The following PRPF39 variants were observed in gnomAD, a reference collection of about 807,000 sequenced individuals.
PRPF39 encodes the protein pre-mRNA processing factor 39.
PRPF39 carries 27 observed loss-of-function variants against 82.1 expected under a neutral mutation model. That is an observed-to-expected ratio of 0.33 (90% confidence interval 0.24 to 0.45). PRPF39 has a LOEUF of 0.45. PRPF39 is among the 20% of genes least tolerant of loss of function. The pLI is 1.00. For missense variants in PRPF39, 581 were observed against 796.9 expected (o/e 0.73, Z 3.26); for synonymous variants, 261 against 256.4 (o/e 1.02, Z -0.17).
chr14:45,108,025 C>A (rs544901959), intron 6 of PRPF39, among the ~76,000 whole-genome samples: 2 of 152,192 alleles, frequency 1.3e-5, no homozygotes, highest in South Asian at 2.1e-4. Flanking sequence ...TGGCCATTTA[C>A]CCAGTGACTT....
At chr14:45,093,407 A>G (rs897907695) in intron 1 of PRPF39, among the ~76,000 whole-genome samples, 1 of 151,674 alleles carries the variant, frequency 6.6e-6, no homozygotes, top group African/African-American at 2.4e-5. Flanking sequence ...TATTTTTAGT[A>G]GAGATGGGGT....
chr14:45,095,445 C>T lies in PRPF39; in HGVS notation c.206C>T (p.Thr69Met), dbSNP rs369962834. The change falls in exon 2 of 14, where the codon ACG (threonine) becomes ATG (methionine). Residue 69 changes from threonine (T) to methionine (M), a missense_variant. Transcript: ENST00000355765. ...EMASAVDLPVTLTETEANFPP... is the reference protein window; with the variant it reads ...EMASAVDLPVMLTETEANFPP... ...GCAAGTGCTGTGGACCTTCCAGTGA[C>T]GCTGACAGAAACAGAAGCAAATTTC... 14 of 1,613,910 alleles carry T rather than the reference C, an allele frequency of 8.7e-6. No individual in the cohort carries two copies. The highest frequency in any genetic ancestry group is 8.0e-5 in the African/African-American group (6 of 75,016).
chr14:45,107,315 AAAG>A (rs1199478674), intron 5 of PRPF39, 133 bp from the exon 6 acceptor site: 3 of 651,362 alleles, frequency 4.6e-6, no homozygotes, highest in East Asian at 5.8e-5. Context: ...TTACTATAGA[AAAG>A]AAGGAGAAAA....
At chr14:45,114,673 GTTTC>G (rs927673248) in intron 13 of PRPF39, 59 bp downstream of exon 13, 1 of 1,549,372 alleles carries the variant, frequency 6.5e-7, no homozygotes, top group Non-Finnish European at 8.7e-7. Flanking sequence ...AATTAGGATA[GTTTC>G]TTTTTTTTTA....
intron 1 of PRPF39, among the ~76,000 whole-genome samples, chr14:45,084,541 G>T (rs1325071238): frequency 6.6e-6 from 1 of 152,194 alleles, no homozygotes; most frequent in Non-Finnish European, 1.5e-5. Flanking sequence ...ATATTTGGGG[G>T]TAATTCTAAA....
intron 6 of PRPF39, 42 bp from the exon 7 acceptor site, chr14:45,108,373 T>TAC (rs755099022): frequency 5.2e-6 from 8 of 1,535,734 alleles, no homozygotes; most frequent in Non-Finnish European, 7.0e-6. Context: ...ATTTTCAGTA[T>TAC]ACAGTTTGTG....
chr14:45,112,638 T>C, intron 11 of PRPF39, 136 bp downstream of exon 11: 2 of 865,600 alleles, frequency 2.3e-6, no homozygotes, highest in Non-Finnish European at 3.1e-6. Context: ...TCCTCAGATA[T>C]ATATGGGGGT....
intron 7 of PRPF39, 128 bp from the exon 8 acceptor site, chr14:45,109,488 A>G (rs1884639279): frequency 2.6e-6 from 2 of 783,942 alleles, no homozygotes; most frequent in Non-Finnish European, 3.6e-6. Flanking sequence ...AAAGTTTTTT[A>G]AATTATGAAA....
chr14:45,115,844 A>G lies in PRPF39; in HGVS notation c.*931A>G, dbSNP rs938111740. The G allele has an allele frequency of 5.8e-6, 1 of 172,702 alleles. No homozygotes were observed. Among genetic ancestry groups the G allele is most frequent in the African/African-American group, 2.4e-5 (1 of 42,208 alleles). 10.7% of individuals were successfully genotyped at this position (172,702 alleles called of 1,614,324 possible). ...TACTCCCTGGTTTGATGAGGTCCTTAGTTCCAATTCCCTAATCAGAACAAT... is the reference window on the plus strand; with the variant it reads ...TACTCCCTGGTTTGATGAGGTCCTTGGTTCCAATTCCCTAATCAGAACAAT... On this transcript the variant is annotated 3_prime_UTR_variant, in exon 14 of 14. Transcript: ENST00000355765.
chr14:45,100,953 C>T (rs1418051044), intron 4 of PRPF39, among the ~76,000 whole-genome samples: 1 of 152,072 alleles, frequency 6.6e-6, no homozygotes, highest in Non-Finnish European at 1.5e-5. Context: ...TTCTATCTGT[C>T]GTGAGATAGA....
At chr14:45,087,654 A>G (rs1464049428) in intron 1 of PRPF39, among the ~76,000 whole-genome samples, 1 of 150,998 alleles carries the variant, frequency 6.6e-6, no homozygotes, top group Admixed American at 6.6e-5. Context: ...GCTCACTGCA[A>G]CCTCCGCCTC....
chr14:45,095,889 GTTTT>G (rs371379977), intron 2 of PRPF39, among the ~76,000 whole-genome samples: 2 of 129,998 alleles, frequency 1.5e-5, no homozygotes, highest in Admixed American at 7.8e-5. Context: ...GCCTGTGTAG[GTTTT>G]TTTTTTTTTT....
intron 5 of PRPF39, among the ~76,000 whole-genome samples, chr14:45,107,081 T>A (rs1884557305): frequency 6.6e-6 from 1 of 152,202 alleles, no homozygotes; most frequent in Non-Finnish European, 1.5e-5. Context: ...AAATAGATTC[T>A]ATGACACACG....
chr14:45,114,964 A>T lies in PRPF39; in HGVS notation c.*51A>T. On this transcript the variant is annotated 3_prime_UTR_variant, in exon 14 of 14. Coordinates refer to ENST00000355765, the MANE Select transcript of PRPF39 (RefSeq NM_017922.4). ...AGTGTGTGAAAAGTATGAAATTATT[A>T]TTTTTTTTAATGAGGGATGTAAACA... The T allele has an allele frequency of 5.7e-6, 8 of 1,395,266 alleles. No individual in the cohort carries two copies. The highest frequency in any genetic ancestry group is 2.3e-5 in the South Asian group (2 of 85,448). The allele number at this position is 1,395,266 out of a possible 1,614,324, so 86.4% of individuals were successfully genotyped here.
chr14:45,097,438 A>C (rs1186807838), intron 4 of PRPF39, among the ~76,000 whole-genome samples: 2 of 152,214 alleles, frequency 1.3e-5, no homozygotes, highest in African/African-American at 4.8e-5. Flanking sequence ...TTTATAGGAA[A>C]TAATCAGTGC....
chr14:45,102,016 A>G (rs576658471), intron 4 of PRPF39, among the ~76,000 whole-genome samples: 24 of 151,998 alleles, frequency 1.6e-4, no homozygotes, highest in African/African-American at 5.8e-4. Flanking sequence ...CATGTTGGCC[A>G]TGTTGATCTT....
chr14:45,108,111 G>T (rs767306814), intron 6 of PRPF39, among the ~76,000 whole-genome samples: 1 of 151,934 alleles, frequency 6.6e-6, no homozygotes, highest in Non-Finnish European at 1.5e-5. Context: ...TTAAGGTAGA[G>T]AATCTATTTT....
At chr14:45,084,938 A>G (rs1374234318) in intron 1 of PRPF39, among the ~76,000 whole-genome samples, 1 of 152,214 alleles carries the variant, frequency 6.6e-6, no homozygotes, top group African/African-American at 2.4e-5. Context: ...TAATGATGCC[A>G]TAATACCATG....
rs1195487655 is a variant in PRPF39, at chr14:45,110,529, C to T, written c.1304-20C>T. 4 of 1,544,940 alleles carry T rather than the reference C, an allele frequency of 2.6e-6. No homozygotes were observed. In the Admixed American group the frequency reaches 7.9e-5, roughly 31 times the overall value. ...TTGGTTGTTTAAACCAAAGCATAAA[C>T]ATTTAATTACTGTTTCTAGGTAATA... On this transcript the variant is annotated intron_variant, in intron 9 of 13. Coordinates refer to ENST00000355765, the MANE Select transcript of PRPF39 (RefSeq NM_017922.4). The surrounding 1 kb of genome is among the most constrained non-coding windows in gnomAD (Gnocchi z 4.0).
Sources: allele counts gnomAD v4.1 joint callset (sites outside exome capture counted in the v4.1 genomes callset), GRCh38; gene constraint gnomAD v4.1.1; non-coding constraint Gnocchi (gnomAD v3.1); transcripts MANE v1.5; gene names NCBI Gene and HGNC (gene_info 2026-07-23, HGNC 2026-07-21).